RBM4: variants seen among roughly 807,000 people sequenced by gnomAD.
The protein encoded by RBM4 is RNA binding motif protein 4, also known as RNA-binding protein 4.
Under a neutral mutation model 29.5 loss-of-function variants are expected in RBM4, and 7 were observed. That is an observed-to-expected ratio of 0.24 (90% CI 0.14 to 0.45). The LOEUF (loss-of-function observed/expected upper bound fraction) is 0.45, where lower values mean the gene tolerates loss of function less well. Ranked by LOEUF, RBM4 falls within the 20% of genes least tolerant of loss-of-function variation. The pLI is 1.00. For missense variants in RBM4, 387 were observed against 502.3 expected (o/e 0.77, Z 2.19); for synonymous variants, 220 against 205.4 (o/e 1.07, Z -0.61).
At chr11:66,641,696 A>C (rs749022224) in intron 2 of RBM4, among the ~76,000 whole-genome samples, 1 of 152,114 alleles carries the variant, frequency 6.6e-6, no homozygotes, top group Non-Finnish European at 1.5e-5. Context: ...ACACTAACCT[A>C]TGCTTAGTTA....
chr11:66,658,946 AAATAT>A (rs1434334194), intron 2 of RBM4, among the ~76,000 whole-genome samples: 1 of 146,572 alleles, frequency 6.8e-6, no homozygotes, highest in Non-Finnish European at 1.5e-5. Context: ...CAAAAAAAAA[AAATAT>A]ATATATATAT....
chr11:66,657,105 A>C (rs886522772), intron 2 of RBM4, among the ~76,000 whole-genome samples: 1 of 104,312 alleles, frequency 9.6e-6, no homozygotes, highest in Non-Finnish European at 2.0e-5. Flanking sequence ...TCAATTTTTT[A>C]GTCTTTTTTT....
At chr11:66,656,149 T>C (rs1938945034) in intron 2 of RBM4, among the ~76,000 whole-genome samples, 1 of 152,076 alleles carries the variant, frequency 6.6e-6, no homozygotes, top group Non-Finnish European at 1.5e-5. Context: ...TTTGTATTTT[T>C]TTTTTTAGGC....
In RBM4 at chr11:66,643,630, G is replaced by T. The variant is rs577949918; in HGVS notation, c.593G>T (p.Arg198Leu). The change falls in exon 3 of 4, where the codon CGT becomes CTT. Residue 198 changes from arginine (R) to leucine (L), a missense_variant. By Grantham distance (102) the Arg-to-Leu change is moderately radical (BLOSUM62 -2). Coordinates refer to ENST00000310092, the MANE Select transcript of RBM4 (RefSeq NM_002896.4). This position sits in a 1 kb window ranked among gnomAD's most constrained non-coding sequence, Gnocchi z 6.1. ...EQYNEQYGAV[R>L]TPYTMSYGDS... Reference sequence around the variant, plus strand: ...TATAATGAGCAATACGGAGCAGTGCGTACGCCTTACACCATGAGCTATGGG... The same window carrying T: ...TATAATGAGCAATACGGAGCAGTGCTTACGCCTTACACCATGAGCTATGGG... The T allele has an allele frequency of 1.2e-6, 2 of 1,614,046 alleles. No individual in the cohort carries two copies. The highest frequency in any genetic ancestry group is 1.7e-6 in the Non-Finnish European group (2 of 1,180,048).
chr11:66,665,750 A>C, intron 2 of RBM4: 2 of 1,316,136 alleles, frequency 1.5e-6, no homozygotes, highest in Non-Finnish European at 2.1e-6. Flanking sequence ...GGAGTCTATC[A>C]ATAGCTATAT....
At chr11:66,657,816 C>T (rs1293864973) in intron 2 of RBM4, among the ~76,000 whole-genome samples, 5 of 151,992 alleles carry the variant, frequency 3.3e-5, no homozygotes, top group African/African-American at 7.2e-5. Flanking sequence ...CACCTCCTCC[C>T]GGGCTCAAGC....
At chr11:66,647,878 TATG>T (rs1938735758), downstream of RBM4, among the ~76,000 whole-genome samples, 1 of 152,154 alleles carries the variant, frequency 6.6e-6, no homozygotes, top group Admixed American at 6.6e-5. Flanking sequence ...TAAACATGGA[TATG>T]ATATATTTTT....
chr11:66,650,088 G>C (rs974452174), downstream of RBM4, among the ~76,000 whole-genome samples: 1 of 152,212 alleles, frequency 6.6e-6, no homozygotes, highest in Non-Finnish European at 1.5e-5. Flanking sequence ...GCTGCTGCTT[G>C]TCTGGGCCTT....
chr11:66,650,503 G>A (rs1938802191), downstream of RBM4, among the ~76,000 whole-genome samples: 2 of 151,626 alleles, frequency 1.3e-5, no homozygotes, highest in South Asian at 4.2e-4. Flanking sequence ...GCTGGGAGGA[G>A]GAGGTTGCAG....
Position 66,646,105 on chromosome 11 carries a change from CGTTCTCG to C in RBM4, c.*89_*95del. ...CCTTCGTGGTACCCCATCTCCGGGA[CGTTCTCG>C]GCTCTGTGCGTTCAGTCCCTCAGGA... On this transcript the variant is annotated 3_prime_UTR_variant, in exon 4 of 4. Transcript: ENST00000310092. 6.5e-7 allele frequency: 1 copy of C among 1,535,254 alleles called. No homozygotes were observed. The highest frequency in any genetic ancestry group is 8.7e-7 in the Non-Finnish European group (1 of 1,146,802).
At chr11:66,651,712 A>G (rs894248324) in intron 2 of RBM4, among the ~76,000 whole-genome samples, 1 of 152,208 alleles carries the variant, frequency 6.6e-6, no homozygotes, top group African/African-American at 2.4e-5. Context: ...TGGATGGCTT[A>G]TACACAACAG....
intron 2 of RBM4, among the ~76,000 whole-genome samples, chr11:66,663,517 A>T (rs952533251): frequency 2.0e-5 from 3 of 152,102 alleles, no homozygotes; most frequent in African/African-American, 7.2e-5. Flanking sequence ...GGCGCCCGCC[A>T]CCACATCCAG....
At chr11:66,658,942 A>G (rs1281581557) in intron 2 of RBM4, among the ~76,000 whole-genome samples, 3 of 146,404 alleles carry the variant, frequency 2.0e-5, no homozygotes, top group African/African-American at 2.6e-5. Context: ...CTCTCAAAAA[A>G]AAAAAATATA....
exon 3 of RBM4, chr11:66,667,574 A>C (rs72923085): frequency 6.6e-6 from 1 of 152,352 alleles, no homozygotes; most frequent in Non-Finnish European, 1.5e-5. Flanking sequence ...CAGAACATCA[A>C]AACATTCAAC....
intron 2 of RBM4, among the ~76,000 whole-genome samples, chr11:66,662,088 TAA>T (rs1264263155): frequency 6.6e-6 from 1 of 152,246 alleles, no homozygotes; most frequent in Non-Finnish European, 1.5e-5. Flanking sequence ...AAAGGTTTTC[TAA>T]AATAAAAATT....
At position 66,643,508 on chromosome 11, in the gene RBM4, A is replaced by T; in HGVS notation, c.471A>T (p.Gly157=). 1 of 1,614,042 alleles carries T rather than the reference A, an allele frequency of 6.2e-7. No homozygotes were observed. Among genetic ancestry groups the T allele is most frequent in the Non-Finnish European group, 8.5e-7 (1 of 1,179,968 alleles). ...GGCTTAGGACTGCGCCCGGGATGGG[A>T]GACCAGAGCGGCTGCTATCGGTGCG... ...TSRLRTAPGM[G]DQSGCYRCGK... The change falls in exon 3 of 4, where the codon GGA becomes GGT. Residue 157 remains glycine, a synonymous_variant. Transcript: ENST00000310092. The surrounding 1 kb of genome is among the most constrained non-coding windows in gnomAD (Gnocchi z 6.1).
chr11:66,667,855 T>TC (rs1344967133), exon 3 of RBM4: 3 of 151,862 alleles, frequency 2.0e-5, no homozygotes, highest in African/African-American at 7.3e-5. Context: ...TCACAGGTGC[T>TC]CCCCATCACA....
intron 2 of RBM4, among the ~76,000 whole-genome samples, chr11:66,641,741 C>T (rs1021224819): frequency 1.3e-5 from 2 of 152,134 alleles, no homozygotes; most frequent in African/African-American, 4.8e-5. Flanking sequence ...TGGCGTTTCT[C>T]ATTTCTTAAT....
At chr11:66,645,939 T>A in intron 3 of RBM4, 88 bp from the exon 4 acceptor site, 1 of 1,534,160 alleles carries the variant, frequency 6.5e-7, no homozygotes, top group Non-Finnish European at 8.7e-7. Flanking sequence ...AGTGTCAAGT[T>A]ATCAGACTTT....
Sources: gnomAD v4.1 joint callset for allele counts (sites outside exome capture counted in the v4.1 genomes callset) on GRCh38, gnomAD v4.1.1 for gene constraint, Gnocchi (gnomAD v3.1) non-coding constraint, MANE v1.5 for transcripts, NCBI Gene and HGNC (gene_info 2026-07-23, HGNC 2026-07-21) for gene names.